Variants in PLCXD3 observed in about 807,000 individuals in gnomAD.
PLCXD3 encodes the protein phosphatidylinositol specific phospholipase C X domain containing 3, also known as PI-PLC X domain-containing protein 3.
Under a neutral mutation model 25.5 loss-of-function variants are expected in PLCXD3, and 19 were observed. That is an observed-to-expected ratio of 0.75 (90% confidence interval 0.52 to 1.09). PLCXD3 has a LOEUF of 1.09. PLCXD3 is among the 50% of genes least tolerant of loss of function. The probability of loss-of-function intolerance (pLI) is 0.00; values close to 1 mark genes in which losing one functional copy is unlikely to be tolerated. For synonymous variants in PLCXD3, 174 were observed against 137.6 expected (o/e 1.26, Z -1.85); for missense variants, 411 against 388.1 (o/e 1.06, Z -0.50).
rs543270314 is a variant in PLCXD3 at position 41,318,157 on chromosome 5, C to T, written c.813-4387G>A. On this transcript the variant is annotated intron_variant, in intron 2 of 2. Coordinates refer to ENST00000377801, the MANE Select transcript of PLCXD3 (RefSeq NM_001005473.3). ...ATAAACAAAAGCTGAGGGATTTCAT[C>T]AATCCCAGACCCGCCCCACAAGAAA... 5.3e-5 allele frequency among the ~76,000 whole-genome samples: 8 copies of T among 152,184 alleles called. No homozygotes were observed. In the South Asian group the frequency reaches 1.7e-3, roughly 32 times the overall value.
intron 2 of PLCXD3, among the ~76,000 whole-genome samples, chr5:41,328,558 A>T (rs976845206): frequency 2.6e-5 from 4 of 152,188 alleles, no homozygotes; most frequent in Non-Finnish European, 4.4e-5. Context: ...CATCTAAAGT[A>T]AGTTGGTACA....
intron 1 of PLCXD3, among the ~76,000 whole-genome samples, chr5:41,464,990 T>C (rs1747980233): frequency 6.6e-6 from 1 of 152,114 alleles, no homozygotes; most frequent in African/African-American, 2.4e-5. Flanking sequence ...AAATATCTGC[T>C]TCTTGTTTCA....
At chr5:41,374,973 C>G (rs1745243184) in intron 2 of PLCXD3, among the ~76,000 whole-genome samples, 1 of 152,038 alleles carries the variant, frequency 6.6e-6, no homozygotes, top group African/African-American at 2.4e-5. Context: ...CCTGGCTCTC[C>G]AAACTGCTAA....
chr5:41,406,576 T>C (rs1000072783), intron 1 of PLCXD3, among the ~76,000 whole-genome samples: 1 of 152,154 alleles, frequency 6.6e-6, no homozygotes, highest in Admixed American at 6.5e-5. Context: ...AGTTGTACTG[T>C]GTCATGGTAA....
chr5:41,342,388 G>C (rs1420767470), intron 2 of PLCXD3, among the ~76,000 whole-genome samples: 4 of 152,064 alleles, frequency 2.6e-5, no homozygotes, highest in Non-Finnish European at 5.9e-5. Context: ...ATATATTCAG[G>C]AAATAGTACT....
intron 1 of PLCXD3, among the ~76,000 whole-genome samples, chr5:41,486,520 C>T (rs7701847): frequency 2.4e-4 from 37 of 152,178 alleles, no homozygotes; most frequent in African/African-American, 8.7e-4. Context: ...TCTTTACTCT[C>T]CATCTTCACA....
Position 41,463,406 on chromosome 5 carries a change from T to C in PLCXD3, c.103+47018A>G, listed in dbSNP as rs75539538. Among the ~76,000 whole-genome samples, 22 of 152,046 alleles carry C rather than the reference T, an allele frequency of 1.4e-4. No individual in the cohort carries two copies. The East Asian group carries it at 4.1e-3, about 28-fold the overall frequency. ...GGGGTCTCTATTATAAGAACACTAATCCCATTTGTGAGGGTCCCACACTCA... is the reference window on the plus strand; with the variant it reads ...GGGGTCTCTATTATAAGAACACTAACCCCATTTGTGAGGGTCCCACACTCA... On this transcript the variant is annotated intron_variant, in intron 1 of 2. Transcript: ENST00000377801.
At chr5:41,433,375 C>A (rs558328290) in intron 1 of PLCXD3, among the ~76,000 whole-genome samples, 2 of 152,100 alleles carry the variant, frequency 1.3e-5, no homozygotes, top group African/African-American at 4.8e-5. Flanking sequence ...TATGACTTTC[C>A]CTCTTGCCCC....
At chr5:41,461,801 G>A (rs996935479) in intron 1 of PLCXD3, among the ~76,000 whole-genome samples, 3 of 151,912 alleles carry the variant, frequency 2.0e-5, no homozygotes, top group Non-Finnish European at 2.9e-5. Flanking sequence ...CAGACTCTGC[G>A]TTGACACCTC....
intron 2 of PLCXD3, among the ~76,000 whole-genome samples, chr5:41,316,691 C>A (rs1444543963): frequency 6.6e-6 from 1 of 152,008 alleles, no homozygotes; most frequent in African/African-American, 2.4e-5. Flanking sequence ...AGATCTTGGA[C>A]CTTAAGGGAA....
intron 1 of PLCXD3, among the ~76,000 whole-genome samples, chr5:41,431,386 T>C (rs1747097733): frequency 6.6e-6 from 1 of 152,248 alleles, no homozygotes; most frequent in Non-Finnish European, 1.5e-5. Context: ...AAATTTTTGA[T>C]ATTTTGACTT....
In PLCXD3 at chr5:41,363,387, A is replaced by G. The variant is rs193252669; in HGVS notation, c.812+18439T>C. On this transcript the variant is annotated intron_variant, in intron 2 of 2. Transcript: ENST00000377801. ...TACAGATAATAATATATTTTTTTAA[A>G]AAGACTTTCTCCAAGAATTCAGGAT... Among the ~76,000 whole-genome samples, 35 of 152,288 alleles carry G rather than the reference A, an allele frequency of 2.3e-4. 1 individual carries two copies. Among genetic ancestry groups the G allele is most frequent in the African/African-American group, 8.4e-4 (35 of 41,564 alleles).
chr5:41,507,426 C>T, intron 1 of PLCXD3, among the ~76,000 whole-genome samples: 1 of 152,160 alleles, frequency 6.6e-6, no homozygotes. Context: ...AAGTGAAATA[C>T]TAATACCAAT....
At chr5:41,401,480 A>T (rs1042636544) in intron 1 of PLCXD3, among the ~76,000 whole-genome samples, 1 of 152,038 alleles carries the variant, frequency 6.6e-6, no homozygotes, top group Non-Finnish European at 1.5e-5. Context: ...TTACCTTGGC[A>T]TATTTGCTGA....
At chr5:41,351,360 T>C (rs776016710) in intron 2 of PLCXD3, among the ~76,000 whole-genome samples, 1 of 152,178 alleles carries the variant, frequency 6.6e-6, no homozygotes, top group Non-Finnish European at 1.5e-5. Context: ...AGCTTTAGGC[T>C]AGCAGGGTTC....
chr5:41,483,077 T>C (rs1207133385), intron 1 of PLCXD3, among the ~76,000 whole-genome samples: 1 of 152,252 alleles, frequency 6.6e-6, no homozygotes, highest in African/African-American at 2.4e-5. Context: ...TCAAGGTTCA[T>C]TCATTGGACA....
intron 1 of PLCXD3, among the ~76,000 whole-genome samples, chr5:41,394,618 A>G (rs2150497419): frequency 6.6e-6 from 1 of 152,294 alleles, no homozygotes; most frequent in Non-Finnish European, 1.5e-5. Flanking sequence ...AGGGATGGAG[A>G]AAGATATTCC....
At position 41,316,040 on chromosome 5, in the gene PLCXD3, T is replaced by G. The variant is rs115869277; in HGVS notation, c.813-2270A>C. 8.6e-3 allele frequency among the ~76,000 whole-genome samples: 1,309 copies of G among 152,182 alleles called. 14 individuals are homozygous for G. The highest frequency in any genetic ancestry group is 0.03 in the African/African-American group (1,231 of 41,514). ...ACATCAGCTTAGGTAACCAAGGGAG[T>G]GCTGGCATCACCTCTCCCCTAAACC... is the stretch of plus-strand genomic sequence containing the variant. On this transcript the variant is annotated intron_variant, in intron 2 of 2. Transcript: ENST00000377801.
intron 1 of PLCXD3, among the ~76,000 whole-genome samples, chr5:41,433,441 AG>A (rs2150509395): frequency 6.6e-6 from 1 of 152,298 alleles, no homozygotes; most frequent in East Asian, 1.9e-4. Context: ...AGCCATGAAC[AG>A]ATGGATATTG....
Sources: gnomAD v4.1 joint callset for allele counts (sites outside exome capture counted in the v4.1 genomes callset) on GRCh38, gnomAD v4.1.1 for gene constraint, MANE v1.5 for transcripts, NCBI Gene and HGNC (gene_info 2026-07-23, HGNC 2026-07-21) for gene names.